SLX4: variants seen among roughly 807,000 people sequenced by gnomAD.
SLX4 encodes structure-specific endonuclease subunit SLX4.
In SLX4, 112 loss-of-function variants were observed where a neutral mutation model predicts 146.2. The ratio of observed to expected loss-of-function variants is 0.77; its 90% CI spans 0.66 to 0.90. The LOEUF (loss-of-function observed/expected upper bound fraction) is 0.90. Ranked by LOEUF, SLX4 falls within the 40% of genes least tolerant of loss-of-function variation. The pLI is 0.00. For synonymous variants in SLX4, 1,061 were observed against 997.7 expected (o/e 1.06, Z -1.20); for missense variants, 2,563 against 2,392.7 (o/e 1.07, Z -1.49).
Position 3,596,369 on chromosome 16 carries a change from G to A in SLX4, c.1708C>T (p.Pro570Ser), listed in dbSNP as rs1184220920. ...TCTGAGTGCTCAGGTGGCACCAGAG[G>A]CGGCACGGGCTCCTGCATAAGGCCC... is the stretch of plus-strand genomic sequence containing the variant. ...AQGLMQEPVP[P>S]LVPPEHSELS... is the part of the protein sequence containing the mutation. The change falls in exon 8 of 15, where the codon CCT (proline) becomes TCT (serine). Residue 570 changes from proline to serine, a missense_variant. Physicochemically the swap from Pro to Ser is moderately conservative, Grantham distance 74. Transcript: ENST00000294008. 1.3e-6 allele frequency: 2 copies of A among 1,597,080 alleles called. No individual in the cohort carries two copies. The highest frequency in any genetic ancestry group is 1.3e-5 in the African/African-American group (1 of 74,836).
intron 1 of SLX4, among the ~76,000 whole-genome samples, chr16:3,610,507 A>G (rs1240442325): frequency 6.6e-6 from 1 of 152,232 alleles, no homozygotes; most frequent in East Asian, 1.9e-4. Flanking sequence ...CAAGAAGCCT[A>G]TATGGTGGAA....
At chr16:3,596,823 GT>G (rs559583897) in intron 7 of SLX4, among the ~76,000 whole-genome samples, 1,413 of 137,712 alleles carry the variant, frequency 0.01, 19 homozygotes, top group African/African-American at 0.033. Flanking sequence ...CTGGGACTCT[GT>G]TTTTTTTTTT....
At chr16:3,601,355 C>T in intron 4 of SLX4, 164 bp from the exon 5 acceptor site, 1 of 705,028 alleles carries the variant, frequency 1.4e-6, no homozygotes, top group Non-Finnish European at 2.5e-6. Context: ...AGCCCCTAGA[C>T]ACTACACTTA....
intron 1 of SLX4, among the ~76,000 whole-genome samples, 166 bp downstream of exon 1, chr16:3,611,394 G>A (rs2040870514): frequency 6.6e-6 from 1 of 152,238 alleles, no homozygotes; most frequent in Non-Finnish European, 1.5e-5. Context: ...CCCGAGTGCG[G>A]CTCCTGCCTC....
Position 3,606,558 on chromosome 16 carries a change from G to C in SLX4, c.676C>G (p.His226Asp), listed in dbSNP as rs761229867. The C allele has an allele frequency of 6.2e-7, 1 of 1,614,224 alleles. No individual in the cohort carries two copies. Among genetic ancestry groups the C allele is most frequent in the South Asian group, 1.1e-5 (1 of 91,090 alleles). The change falls in exon 3 of 15, where the codon CAC (histidine) becomes GAC (aspartate). Residue 226 changes from histidine (H) to aspartate (D), a missense_variant. Coordinates refer to ENST00000294008, the MANE Select transcript of SLX4 (RefSeq NM_032444.4). Reference protein sequence around the residue: ...FKRADPERLRHASEECSLEAA... With the variant: ...FKRADPERLRDASEECSLEAA... ...TCGAGGGAGCACTCTTCTGAAGCGT[G>C]TCTCAAACGCTCGGGGTCTGCTCTC...
Position 3,597,168 on chromosome 16 carries a change from C to T in SLX4, c.1683+211G>A, listed in dbSNP as rs1211937213. 6.6e-6 allele frequency among the ~76,000 whole-genome samples: 1 copy of T among 152,190 alleles called. No homozygotes were observed. Among genetic ancestry groups the T allele is most frequent in the Non-Finnish European group, 1.5e-5 (1 of 68,028 alleles). On this transcript the variant is annotated intron_variant, in intron 7 of 14. Transcript: ENST00000294008. The surrounding 1 kb of genome is among the most constrained non-coding windows in gnomAD (Gnocchi z 4.4). Reference sequence around the variant, plus strand: ...CTCCAGGAACACACTCTGGTGGACACCAAGGGTCCTCCCTGATCCTACCCA... The same window carrying T: ...CTCCAGGAACACACTCTGGTGGACATCAAGGGTCCTCCCTGATCCTACCCA...
chr16:3,608,943 C>T lies in SLX4; in HGVS notation c.22G>A (p.Ala8Thr), dbSNP rs764913354. Residue 8 changes from alanine to threonine, a missense_variant, in exon 2 of 15, where the codon GCT (alanine) becomes ACT (threonine). Physicochemically the swap from Ala to Thr is moderately conservative, Grantham distance 58. Coordinates refer to ENST00000294008, the MANE Select transcript of SLX4 (RefSeq NM_032444.4). The stretch of plus-strand genomic sequence containing the variant: ...GAACCCAAGTAGAAGCCTAGCTGAG[C>T]CTCATTCACACTCAGTTTCATTAGG... MKLSVNEAQLGFYLGSLS... is the reference protein window; with the variant it reads MKLSVNETQLGFYLGSLS... 26 of 1,613,654 alleles carry T rather than the reference C, an allele frequency of 1.6e-5. No individual in the cohort carries two copies. Among genetic ancestry groups the T allele is most frequent in the Non-Finnish European group, 2.2e-5 (26 of 1,180,028 alleles).
Position 3,594,028 on chromosome 16 carries a change from T to C in SLX4, c.2160+425A>G, listed in dbSNP as rs185536675. On this transcript the variant is annotated intron_variant, in intron 10 of 14. Transcript: ENST00000294008. The stretch of plus-strand genomic sequence containing the variant: ...CTGGGACTACAGGCGCCCGCCACCA[T>C]GCCCGGCTAATTTTTTTGTATTTTT... Among the ~76,000 whole-genome samples, 36 of 152,122 alleles carry C rather than the reference T, an allele frequency of 2.4e-4. No homozygotes were observed. In the East Asian group the frequency reaches 6.0e-3, roughly 25 times the overall value.
chr16:3,610,872 G>T (rs971462411), intron 1 of SLX4, among the ~76,000 whole-genome samples: 3 of 152,210 alleles, frequency 2.0e-5, no homozygotes, highest in African/African-American at 7.2e-5. Context: ...GCGGGGAGAG[G>T]AAAGGATTGG....
At chr16:3,608,361 C>T in intron 2 of SLX4, 69 bp downstream of exon 2, 2 of 1,581,448 alleles carry the variant, frequency 1.3e-6, no homozygotes, top group South Asian at 2.2e-5. Flanking sequence ...GCCTACAAAG[C>T]CAAAATATTT....
At chr16:3,603,817 CT>C (rs2040754533) in intron 3 of SLX4, among the ~76,000 whole-genome samples, 1 of 152,202 alleles carries the variant, frequency 6.6e-6, no homozygotes, top group Non-Finnish European at 1.5e-5. Flanking sequence ...CAATGAGCCT[CT>C]AATCTACTCA....
intron 7 of SLX4, among the ~76,000 whole-genome samples, chr16:3,596,925 C>T (rs758271508): frequency 1.3e-5 from 2 of 151,744 alleles, no homozygotes; most frequent in Non-Finnish European, 2.9e-5. Flanking sequence ...CCGGTTCAAG[C>T]GATTCTTCTG....
intron 5 of SLX4, among the ~76,000 whole-genome samples, chr16:3,598,849 C>G (rs991147859): frequency 5.3e-5 from 8 of 152,240 alleles, no homozygotes; most frequent in Non-Finnish European, 8.8e-5. Flanking sequence ...GGAACACAGA[C>G]TGTGTTCCCT....
intron 12 of SLX4, 76 bp from the exon 13 acceptor site, chr16:3,584,947 C>G: frequency 1.9e-6 from 2 of 1,061,166 alleles, no homozygotes; most frequent in Non-Finnish European, 3.0e-6. Context: ...GTAGCGTGAC[C>G]AAGAGGAATA....
rs747126736 is a variant in SLX4 at position 3,583,258 on chromosome 16, G to A, written c.4992C>T (p.Gly1664=). 5 of 1,614,062 alleles carry A rather than the reference G, an allele frequency of 3.1e-6. No individual in the cohort carries two copies. The highest frequency in any genetic ancestry group is 3.3e-5 in the Admixed American group (2 of 60,004). ...HRPKGPAKTK[G]PRHQRKHHES... ...CATGATGCTTCCTTTGATGTCGGGG[G>A]CCCTTGGTCTTAGCAGGTCCCTTGG... Residue 1664 remains glycine (G), a synonymous_variant, in exon 14 of 15, where the codon GGC becomes GGT. Transcript: ENST00000294008.
In SLX4 at chr16:3,597,605, C is replaced by T. The variant is rs558236399; in HGVS notation, c.1457G>A (p.Arg486His). ...TTCCTCAGAGAGGAGCAGGGCCACACGGTCCTCTATCTGTCGGCCTGTGGT... is the reference window on the plus strand; with the variant it reads ...TTCCTCAGAGAGGAGCAGGGCCACATGGTCCTCTATCTGTCGGCCTGTGGT... ...SETTGRQIED[R>H]VALLLSEEVE... is the part of the protein sequence containing the mutation. The change falls in exon 7 of 15, where the codon CGT becomes CAT. Residue 486 changes from arginine (R) to histidine (H), a missense_variant. Arg to His is a conservative substitution (Grantham distance 29). Transcript: ENST00000294008. This position sits in a 1 kb window ranked among gnomAD's most constrained non-coding sequence, Gnocchi z 4.4. 8.1e-6 allele frequency: 13 copies of T among 1,614,116 alleles called. No homozygotes were observed. The highest frequency in any genetic ancestry group is 6.7e-5 in the East Asian group (3 of 44,876).
chr16:3,609,191 G>A lies in SLX4; in HGVS notation c.-227C>T. 2.0e-6 allele frequency: 1 copy of A among 491,196 alleles called. No homozygotes were observed. Among genetic ancestry groups the A allele is most frequent in the East Asian group, 3.7e-5 (1 of 27,186 alleles). The allele number at this position is 491,196 out of a possible 1,614,324, so 30.4% of individuals were successfully genotyped here. A position where few individuals can be genotyped will look rare whatever the true frequency, so the allele number is the denominator to read the frequency against. On this transcript the variant is annotated 5_prime_UTR_variant, in exon 2 of 15. Coordinates refer to ENST00000294008, the MANE Select transcript of SLX4 (RefSeq NM_032444.4). ...GGACGAGGCGGGGGGTGGATCACCT[G>A]AGGTCAGAAGTTCGAGACCAGCCTG...
chr16:3,597,528 CT>C lies in SLX4; in HGVS notation c.1533del (p.Trp513GlyfsTer24). 6.2e-7 allele frequency: 1 copy of C among 1,614,164 alleles called. No homozygotes were observed. Among genetic ancestry groups the C allele is most frequent in the Non-Finnish European group, 8.5e-7 (1 of 1,180,042 alleles). ...PPLPASRILK[E>X]GWERAGQCPP... is the part of the protein sequence containing the mutation. ...GGACACTGGCCCGCTCTTTCCCACC[CT>C]TCCTTTAAAATCCTGCTGGCAGGAA... On this transcript the variant is annotated frameshift_variant, in exon 7 of 15. Transcript: ENST00000294008. LOFTEE classifies it high-confidence loss of function. This position sits in a 1 kb window ranked among gnomAD's most constrained non-coding sequence, Gnocchi z 4.4.
chr16:3,601,833 G>A (rs921703360), intron 4 of SLX4: 3 of 428,184 alleles, frequency 7.0e-6, no homozygotes, highest in East Asian at 4.8e-5. Flanking sequence ...GCCAATGGGT[G>A]TGGGGATTCT....
Sources: gnomAD v4.1 joint callset for allele counts (sites outside exome capture counted in the v4.1 genomes callset) on GRCh38, gnomAD v4.1.1 for gene constraint, Gnocchi (gnomAD v3.1) non-coding constraint, MANE v1.5 for transcripts, NCBI Gene and HGNC (gene_info 2026-07-23, HGNC 2026-07-21) for gene names.